The following PDPN variants were observed in gnomAD, a reference collection of about 807,000 sequenced individuals.
PDPN encodes the protein PA2.26 antigen.
PDPN carries 12 observed loss-of-function variants against 23.2 expected under a neutral mutation model. The ratio of observed to expected loss-of-function variants is 0.52; its 90% CI spans 0.33 to 0.84. The LOEUF is 0.84. Ranked by LOEUF, PDPN falls within the 40% of genes least tolerant of loss-of-function variation. The pLI is 0.02. For synonymous variants in PDPN, 77 were observed against 76.7 expected (o/e 1.00, Z -0.02); for missense variants, 199 against 212.2 (o/e 0.94, Z 0.39).
At chr1:13,593,851 C>T (rs1332005081) in intron 1 of PDPN, among the ~76,000 whole-genome samples, 2 of 152,200 alleles carry the variant, frequency 1.3e-5, no homozygotes, top group African/African-American at 2.4e-5. Context: ...AAGTGGCCCT[C>T]CCTAGAAGGG....
At chr1:13,608,505 T>C (rs1368316674) in intron 2 of PDPN, among the ~76,000 whole-genome samples, 1 of 152,214 alleles carries the variant, frequency 6.6e-6, no homozygotes, top group Non-Finnish European at 1.5e-5. Flanking sequence ...TAGGCTTTGG[T>C]TTTCTCTGCC....
At chr1:13,615,843 A>AC (rs1553146985) in intron 5 of PDPN, 62 bp from the exon 6 acceptor site, 5 of 1,469,376 alleles carry the variant, frequency 3.4e-6, no homozygotes, top group Non-Finnish European at 4.8e-6. Flanking sequence ...AAAAGGACTC[A>AC]CGGAGTTACT....
chr1:13,588,852 A>G (rs1158902161), intron 1 of PDPN, among the ~76,000 whole-genome samples: 2 of 150,852 alleles, frequency 1.3e-5, no homozygotes, highest in African/African-American at 2.4e-5. Flanking sequence ...CTGTTTTTGT[A>G]TTTTTAGTAG....
rs1316735221 is a variant in PDPN, at chr1:13,617,135, T to C, written c.*1224T>C. ...GTCTCAGCACCATCCAGCCTGGCAC[T>C]TCTCTTCCCATATATCCATTGGATT... On this transcript the variant is annotated 3_prime_UTR_variant, in exon 6 of 6. Transcript: ENST00000621990. The C allele has an allele frequency of 6.7e-6, 1 of 149,372 alleles. No individual in the cohort carries two copies. The highest frequency in any genetic ancestry group is 1.5e-5 in the Non-Finnish European group (1 of 67,740). 9.3% of individuals were successfully genotyped at this position (149,372 alleles called of 1,614,324 possible). A position where few individuals can be genotyped will look rare whatever the true frequency, so the allele number is the denominator to read the frequency against.
Position 13,616,024 on chromosome 1 carries a change from C to A in PDPN, c.*113C>A. ...GATGACCCGTGGAACACTTGCCTGG[C>A]CCACTCAGAATCCACGGTGACCTCT... On this transcript the variant is annotated 3_prime_UTR_variant, in exon 6 of 6. Coordinates refer to ENST00000621990, the MANE Select transcript of PDPN (RefSeq NM_006474.5). The A allele has an allele frequency of 9.9e-7, 1 of 1,013,214 alleles. No individual in the cohort carries two copies. The highest frequency in any genetic ancestry group is 1.6e-6 in the Non-Finnish European group (1 of 639,442). 62.8% of individuals were successfully genotyped at this position (1,013,214 alleles called of 1,614,324 possible).
At chr1:13,598,639 C>T (rs191573686) in intron 1 of PDPN, among the ~76,000 whole-genome samples, 3 of 151,988 alleles carry the variant, frequency 2.0e-5, no homozygotes, top group African/African-American at 4.8e-5. Flanking sequence ...ACAGTTCTAC[C>T]GAACCACCGC....
intron 2 of PDPN, 116 bp downstream of exon 2, chr1:13,607,422 G>A (rs1053105082): frequency 7.4e-6 from 5 of 671,238 alleles, no homozygotes; most frequent in Non-Finnish European, 1.1e-5. Flanking sequence ...ATCAGCATGA[G>A]CCACCATACC....
At chr1:13,600,060 A>G (rs1380053256) in intron 1 of PDPN, among the ~76,000 whole-genome samples, 2 of 152,230 alleles carry the variant, frequency 1.3e-5, no homozygotes, top group Non-Finnish European at 2.9e-5. Context: ...GACTGTGGTC[A>G]TTAAATAAGA....
intron 3 of PDPN, among the ~76,000 whole-genome samples, chr1:13,613,020 A>C (rs1640975138): frequency 6.6e-6 from 1 of 152,182 alleles, no homozygotes; most frequent in Non-Finnish European, 1.5e-5. Context: ...GTTATTGCAT[A>C]AAATTATTCA....
chr1:13,609,500 T>C (rs1430132466), intron 2 of PDPN, among the ~76,000 whole-genome samples: 1 of 152,116 alleles, frequency 6.6e-6, no homozygotes, highest in Non-Finnish European at 1.5e-5. Context: ...AATTCAGTAG[T>C]GTTAAGTATA....
chr1:13,607,301 A>C lies in PDPN; in HGVS notation c.196A>C (p.Thr66Pro). 1 of 1,613,536 alleles carries C rather than the reference A, an allele frequency of 6.2e-7. No homozygotes were observed. The highest frequency in any genetic ancestry group is 2.2e-5 in the East Asian group (1 of 44,810). ...AGACCGCTATAAGTCTGGCTTGACA[A>C]CTCTGGTCAGTGTCCTGGGAAGAGA... Reference protein sequence around the residue: ...SEDRYKSGLTTLVATSVNSVT... With the variant: ...SEDRYKSGLTPLVATSVNSVT... The change falls in exon 2 of 6, where the codon ACT (threonine) becomes CCT (proline). Residue 66 changes from threonine (T) to proline (P), a missense_variant. By Grantham distance (38) the Thr-to-Pro change is conservative. Coordinates refer to ENST00000621990, the MANE Select transcript of PDPN (RefSeq NM_006474.5).
rs983544783 is a variant in PDPN, at chr1:13,586,381, G to C, written c.67+2281G>C. Among the ~76,000 whole-genome samples the C allele has an allele frequency of 2.6e-5, 4 of 152,166 alleles. No individual in the cohort carries two copies. In the South Asian group the frequency reaches 8.3e-4, roughly 31 times the overall value. On this transcript the variant is annotated intron_variant, in intron 1 of 5. Coordinates refer to ENST00000621990, the MANE Select transcript of PDPN (RefSeq NM_006474.5). ...GCCTCTGCATTGCACTGGTGTATAA[G>C]ATCCAAAATAGCATTGAATATAGAA...
intron 1 of PDPN, among the ~76,000 whole-genome samples, chr1:13,597,720 T>G (rs1020820553): frequency 6.6e-6 from 1 of 152,136 alleles, no homozygotes; most frequent in Non-Finnish European, 1.5e-5. Flanking sequence ...GTAAAATGAA[T>G]TCTCACTTTG....
intron 1 of PDPN, among the ~76,000 whole-genome samples, chr1:13,585,173 T>A (rs1640143069): frequency 1.3e-5 from 2 of 152,112 alleles, no homozygotes; most frequent in African/African-American, 4.8e-5. Context: ...AAGTAAACAT[T>A]TTCCAAAAAT....
At position 13,585,490 on chromosome 1, in the gene PDPN, C is replaced by T. The variant is rs898570229; in HGVS notation, c.67+1390C>T. On this transcript the variant is annotated intron_variant, in intron 1 of 5. Coordinates refer to ENST00000621990, the MANE Select transcript of PDPN (RefSeq NM_006474.5). The stretch of plus-strand genomic sequence containing the variant: ...TTGGCGAGACAATGTGCAAATGACA[C>T]CGTTTTGTGCTCACCAGGGCAAAGC... 23 of 1,337,894 alleles carry T rather than the reference C, an allele frequency of 1.7e-5. No individual in the cohort carries two copies. In the African/African-American group the frequency reaches 3.4e-4, roughly 20 times the overall value. The allele number at this position is 1,337,894 out of a possible 1,614,324, so 82.9% of individuals were successfully genotyped here. A position where few individuals can be genotyped will look rare whatever the true frequency, so the allele number is the denominator to read the frequency against.
chr1:13,596,198 CAAAA>C (rs74323863), intron 1 of PDPN, among the ~76,000 whole-genome samples: 1 of 68,042 alleles, frequency 1.5e-5, no homozygotes. Context: ...GACTCCGTCT[CAAAA>C]AAAAAAAAAA....
At position 13,610,515 on chromosome 1, in the gene PDPN, G is replaced by A. The variant is rs548762088; in HGVS notation, c.330G>A (p.Thr110=). The part of the protein sequence containing the change: ...TASNVATSHS[T]EKVDGDTQTT... The stretch of plus-strand genomic sequence containing the variant: ...CAAACGTGGCCACCAGTCACTCCAC[G>A]GGTAAGAAAACCAGCCACCTCCATG... The change falls in exon 3 of 6, where the codon ACG becomes ACA. Residue 110 remains threonine, a splice_region_variant and synonymous_variant. Transcript: ENST00000621990. 8.6e-5 allele frequency: 138 copies of A among 1,612,978 alleles called. No individual in the cohort carries two copies. The South Asian group carries it at 1.3e-3, about 15-fold the overall frequency.
Position 13,614,368 on chromosome 1 carries a change from G to A in PDPN, c.439G>A (p.Ala147Thr), listed in dbSNP as rs1399276926. Reference protein sequence around the residue: ...GVLLAIGFIGAIIVVVMRKMS... With the variant: ...GVLLAIGFIGTIIVVVMRKMS... ...CTTACTAGCCATCGGCTTCATTGGT[G>A]CAATCATCGTTGTGGTTATGCGAAA... The change falls in exon 5 of 6, where the codon GCA becomes ACA. Residue 147 changes from alanine to threonine, a missense_variant. By Grantham distance (58) the Ala-to-Thr change is moderately conservative (BLOSUM62 0). Coordinates refer to ENST00000621990, the MANE Select transcript of PDPN (RefSeq NM_006474.5). 6.2e-7 allele frequency: 1 copy of A among 1,609,036 alleles called. No individual in the cohort carries two copies. Among genetic ancestry groups the A allele is most frequent in the Non-Finnish European group, 8.5e-7 (1 of 1,175,398 alleles).
chr1:13,599,626 C>T (rs961352669), intron 1 of PDPN, among the ~76,000 whole-genome samples: 5 of 151,960 alleles, frequency 3.3e-5, no homozygotes, highest in Admixed American at 1.3e-4. Context: ...TCAAGTGATC[C>T]GTCTACCTTG....
Sources: gnomAD v4.1 joint callset for allele counts (sites outside exome capture counted in the v4.1 genomes callset) on GRCh38, gnomAD v4.1.1 for gene constraint, MANE v1.5 for transcripts, NCBI Gene and HGNC (gene_info 2026-07-23, HGNC 2026-07-21) for gene names.